Variants in XKR9 observed in about 807,000 individuals in gnomAD.
XKR9 encodes XK-related protein 9.
A neutral mutation model predicts 32.0 loss-of-function variants in XKR9; 32 were observed. That is an observed-to-expected ratio of 1.00 (90% CI 0.76 to 1.34). XKR9 has a LOEUF of 1.34. XKR9 is among the 40% of genes most tolerant of loss of function. The probability of loss-of-function intolerance (pLI) is 0.00; values close to 1 mark genes in which losing one functional copy is unlikely to be tolerated. For synonymous variants in XKR9, 168 were observed against 143.4 expected (o/e 1.17, Z -1.22); for missense variants, 546 against 429.7 (o/e 1.27, Z -2.39).
the XKR9 span, among the ~76,000 whole-genome samples, chr8:70,988,704 A>G: frequency 6.6e-6 from 1 of 152,246 alleles, no homozygotes; most frequent in Non-Finnish European, 1.5e-5. Context: ...TCACTGATTT[A>G]ACTGTTTTAA....
chr8:70,902,498 G>T, the XKR9 span, among the ~76,000 whole-genome samples: 2 of 152,200 alleles, frequency 1.3e-5, no homozygotes, highest in Non-Finnish European at 2.9e-5. Context: ...TTTGCACATT[G>T]ATTTTGTATC....
chr8:70,866,881 T>G, the XKR9 span, among the ~76,000 whole-genome samples: 1 of 152,220 alleles, frequency 6.6e-6, no homozygotes, highest in Admixed American at 6.5e-5. Flanking sequence ...ATTTTTAACC[T>G]TACAACATCT....
chr8:70,960,908 C>T, the XKR9 span, among the ~76,000 whole-genome samples: 5 of 151,584 alleles, frequency 3.3e-5, no homozygotes, highest in East Asian at 1.9e-4. Flanking sequence ...GGCTGGGCAC[C>T]GTGTAATCTC....
the XKR9 span, among the ~76,000 whole-genome samples, chr8:70,982,735 G>A: frequency 1.3e-3 from 192 of 152,274 alleles, 1 homozygote; most frequent in Middle Eastern, 6.8e-3. Context: ...TGTTCCTGCC[G>A]TAGTTCTTAG....
chr8:71,008,013 C>T, the XKR9 span, among the ~76,000 whole-genome samples: 2 of 151,722 alleles, frequency 1.3e-5, no homozygotes, highest in South Asian at 2.1e-4. Flanking sequence ...ATGAATATTT[C>T]ATAAAACAGT....
the XKR9 span, among the ~76,000 whole-genome samples, chr8:70,927,872 G>T: frequency 1.3e-5 from 2 of 152,130 alleles, no homozygotes; most frequent in East Asian, 3.9e-4. Context: ...GGTCATTGAC[G>T]AGTAGGTGCT....
intron 3 of XKR9, among the ~76,000 whole-genome samples, chr8:70,700,369 G>A (rs1041898223): frequency 2.6e-5 from 4 of 152,114 alleles, no homozygotes; most frequent in African/African-American, 4.8e-5. Flanking sequence ...TGGTGTGGAT[G>A]TCCTTTCTGT....
downstream of XKR9, among the ~76,000 whole-genome samples, chr8:70,740,337 C>T (rs929833075): frequency 7.2e-5 from 11 of 152,054 alleles, no homozygotes; most frequent in Non-Finnish European, 1.5e-4. Context: ...TTAAGCACTT[C>T]TCTGTATTGG....
the XKR9 span, among the ~76,000 whole-genome samples, chr8:70,803,696 G>T: frequency 6.6e-6 from 1 of 152,090 alleles, no homozygotes; most frequent in East Asian, 1.9e-4. Context: ...CCTGCTTCTG[G>T]GTCTTGGAGG....
the XKR9 span, among the ~76,000 whole-genome samples, chr8:70,829,828 C>G: frequency 6.6e-6 from 1 of 152,168 alleles, no homozygotes; most frequent in Non-Finnish European, 1.5e-5. Flanking sequence ...TGAGTTAATA[C>G]TCCATTATTG....
chr8:70,828,769 A>G, the XKR9 span, among the ~76,000 whole-genome samples: 2 of 151,686 alleles, frequency 1.3e-5, no homozygotes, highest in Admixed American at 6.6e-5. Flanking sequence ...GGAAGAAAAG[A>G]GTGCATGGGA....
At chr8:71,000,836 T>A in the XKR9 span, among the ~76,000 whole-genome samples, 1 of 152,346 alleles carries the variant, frequency 6.6e-6, no homozygotes, top group Admixed American at 6.5e-5. Context: ...GCAGTGCCAT[T>A]GGTCCAGCAT....
At chr8:70,912,106 A>T in the XKR9 span, among the ~76,000 whole-genome samples, 1 of 152,142 alleles carries the variant, frequency 6.6e-6, no homozygotes, top group Non-Finnish European at 1.5e-5. Flanking sequence ...AGAGAAAATT[A>T]TATATGGTTC....
At chr8:70,683,040 AG>A (rs1346821041) in intron 3 of XKR9, among the ~76,000 whole-genome samples, 1 of 152,232 alleles carries the variant, frequency 6.6e-6, no homozygotes, top group Non-Finnish European at 1.5e-5. Flanking sequence ...GGCAGAATCC[AG>A]GTTTTCAACC....
At chr8:70,817,479 A>G in the XKR9 span, among the ~76,000 whole-genome samples, 1 of 152,186 alleles carries the variant, frequency 6.6e-6, no homozygotes, top group Non-Finnish European at 1.5e-5. Context: ...ATCACAGATA[A>G]TACAAACAAA....
At chr8:70,874,208 C>A in the XKR9 span, among the ~76,000 whole-genome samples, 2 of 152,062 alleles carry the variant, frequency 1.3e-5, no homozygotes, top group Admixed American at 6.6e-5. Flanking sequence ...TTTGCTTTAT[C>A]GTGGTGGTCT....
intron 4 of XKR9, among the ~76,000 whole-genome samples, chr8:70,714,627 G>T (rs1243409689): frequency 6.6e-6 from 1 of 151,846 alleles, no homozygotes; most frequent in African/African-American, 2.4e-5. Flanking sequence ...GTCAAATTTT[G>T]GAAAACCTCT....
the XKR9 span, among the ~76,000 whole-genome samples, chr8:71,009,860 T>C: frequency 6.6e-6 from 1 of 152,296 alleles, no homozygotes; most frequent in African/African-American, 2.4e-5. Context: ...ATTAAATAAA[T>C]ACACCTTGCA....
chr8:70,923,891 C>T, the XKR9 span, among the ~76,000 whole-genome samples: 5 of 152,136 alleles, frequency 3.3e-5, no homozygotes, highest in African/African-American at 1.2e-4. Flanking sequence ...TTAAGGTGGA[C>T]CCTCCAAATT....
Sources: allele counts gnomAD v4.1 joint callset (sites outside exome capture counted in the v4.1 genomes callset), GRCh38; gene constraint gnomAD v4.1.1; transcripts MANE v1.5; gene names NCBI Gene and HGNC (gene_info 2026-07-23, HGNC 2026-07-21).